The following ANK2 variants were observed in gnomAD, a reference collection of about 807,000 sequenced individuals.
ANK2 encodes ankyrin 2.
In ANK2, 83 loss-of-function variants were observed where a neutral mutation model predicts 360.5. The observed-to-expected ratio is 0.23, with a 90% CI of 0.19 to 0.28. The LOEUF is 0.28. ANK2 is among the 10% of genes least tolerant of loss of function. The pLI, the probability that ANK2 is intolerant of heterozygous loss-of-function variation, is 1.00. For synonymous variants in ANK2, 1,740 were observed against 1,759.5 expected (o/e 0.99, Z 0.28); for missense variants, 4,201 against 4,795.7 (o/e 0.88, Z 3.66).
At chr4:112,711,048 C>T in the ANK2 span, among the ~76,000 whole-genome samples, 1 of 151,112 alleles carries the variant, frequency 6.6e-6, no homozygotes, top group African/African-American at 2.4e-5. Flanking sequence ...CCTCAGCCTC[C>T]CAAAGTGCTA....
At chr4:112,978,195 G>A (rs1036265759) in intron 2 of ANK2, among the ~76,000 whole-genome samples, 2 of 151,914 alleles carry the variant, frequency 1.3e-5, no homozygotes, top group Non-Finnish European at 2.9e-5. Flanking sequence ...AGTGAGTCGA[G>A]ATTGCGCCAT....
At chr4:113,258,476 G>A (rs1286008080) in intron 13 of ANK2, 65 bp downstream of exon 13, 7 of 1,460,640 alleles carry the variant, frequency 4.8e-6, no homozygotes, top group Non-Finnish European at 6.7e-6. Context: ...GATTGTGGGT[G>A]TGTGTATGTG....
At chr4:112,828,800 C>T (rs1487954115) in intron 1 of ANK2, among the ~76,000 whole-genome samples, 1 of 152,154 alleles carries the variant, frequency 6.6e-6, no homozygotes, top group African/African-American at 2.4e-5. Flanking sequence ...ATCCAGCAAA[C>T]GTCTAATATC....
At chr4:113,183,868 A>T (rs1314529893) in intron 2 of ANK2, among the ~76,000 whole-genome samples, 3 of 151,826 alleles carry the variant, frequency 2.0e-5, no homozygotes, top group Admixed American at 2.0e-4. Flanking sequence ...AGAAGCTAAA[A>T]TCTTCAAGGG....
At chr4:113,061,764 G>T (rs1159327885) in intron 1 of ANK2, among the ~76,000 whole-genome samples, 1 of 152,032 alleles carries the variant, frequency 6.6e-6, no homozygotes, top group Admixed American at 6.6e-5. Flanking sequence ...TAATTAAAAA[G>T]AATGAATAGG....
intron 1 of ANK2, among the ~76,000 whole-genome samples, chr4:113,148,508 C>A (rs13125789): frequency 0.12 from 18,608 of 152,072 alleles, 1,454 homozygotes; most frequent in Middle Eastern, 0.21. Flanking sequence ...TAGAGATTTT[C>A]AGGTTTTTCG....
At chr4:113,158,850 A>T (rs1334285031) in intron 1 of ANK2, among the ~76,000 whole-genome samples, 1 of 152,148 alleles carries the variant, frequency 6.6e-6, no homozygotes, top group East Asian at 1.9e-4. Flanking sequence ...GGTACAGTTT[A>T]CTGCTTTGCC....
intron 2 of ANK2, among the ~76,000 whole-genome samples, chr4:112,968,290 T>A (rs1181707455): frequency 6.6e-6 from 1 of 152,214 alleles, no homozygotes. Context: ...CTTTCAGATG[T>A]TGGGTCTCTG....
rs531276886 is a variant in ANK2, at chr4:113,255,906, A to C, written c.1162A>C (p.Arg388=). ...YRVTKLLLDK[R]ANPNARALNG... Reference sequence around the variant, plus strand: ...TGTAACCAAACTCCTTTTAGACAAGAGAGCCAATCCGAACGCCAGAGCCCT... The same window carrying C: ...TGTAACCAAACTCCTTTTAGACAAGCGAGCCAATCCGAACGCCAGAGCCCT... The change falls in exon 11 of 46, where the codon AGA becomes CGA. Residue 388 remains arginine (R), a synonymous_variant. Coordinates refer to ENST00000357077, the MANE Select transcript of ANK2 (RefSeq NM_001148.6). 6 of 1,614,236 alleles carry C rather than the reference A, an allele frequency of 3.7e-6. No homozygotes were observed. In the South Asian group the frequency reaches 6.6e-5, roughly 18 times the overall value.
Position 112,833,225 on chromosome 4 carries a change from G to A in ANK2, c.-40+14961G>A, listed in dbSNP as rs2060191207. On this transcript the variant is annotated intron_variant, in intron 1 of 30. Coordinates refer to the ANK2 transcript ENST00000503271. ...TTTAAACAGAATAAGCCAAACATGAGGTAGTGGGTAAGGGGAGGAAATAAT... is the reference window on the plus strand; with the variant it reads ...TTTAAACAGAATAAGCCAAACATGAAGTAGTGGGTAAGGGGAGGAAATAAT... Among the ~76,000 whole-genome samples, 3 of 152,216 alleles carry A rather than the reference G, an allele frequency of 2.0e-5. No individual in the cohort carries two copies. The South Asian group carries it at 6.2e-4, about 32-fold the overall frequency.
chr4:113,047,865 G>A (rs2065073085), upstream of ANK2, among the ~76,000 whole-genome samples: 1 of 152,004 alleles, frequency 6.6e-6, no homozygotes, highest in South Asian at 2.1e-4. Context: ...AGGGTGGTAA[G>A]GCAGAGAGAA....
chr4:113,039,898 C>T (rs1350811908), intron 2 of ANK2, among the ~76,000 whole-genome samples: 1 of 151,760 alleles, frequency 6.6e-6, no homozygotes, highest in Non-Finnish European at 1.5e-5. Context: ...TATGGAGGCC[C>T]TAGGTTATTT....
intron 1 of ANK2, among the ~76,000 whole-genome samples, chr4:113,075,760 T>C (rs1025940449): frequency 1.3e-5 from 2 of 152,226 alleles, no homozygotes; most frequent in Non-Finnish European, 2.9e-5. Flanking sequence ...GCTTCTGACC[T>C]AAGAAACGGC....
intron 1 of ANK2, among the ~76,000 whole-genome samples, chr4:113,074,232 T>A (rs1277883568): frequency 6.6e-6 from 1 of 152,228 alleles, no homozygotes; most frequent in Non-Finnish European, 1.5e-5. Context: ...TATTTATTAA[T>A]TGCTTACTGT....
chr4:113,192,938 A>G (rs1027711822), intron 2 of ANK2, among the ~76,000 whole-genome samples: 1 of 151,370 alleles, frequency 6.6e-6, no homozygotes, highest in Non-Finnish European at 1.5e-5. Context: ...AAAAAAAAAA[A>G]AAACAACCCT....
At chr4:113,235,603 T>C (rs971565814) in intron 5 of ANK2, among the ~76,000 whole-genome samples, 10 of 151,500 alleles carry the variant, frequency 6.6e-5, no homozygotes, top group Admixed American at 5.3e-4. Context: ...TAATTTTTTC[T>C]TTGTTATTTT....
chr4:112,899,136 A>G lies in ANK2; in HGVS notation c.-39-5319A>G, dbSNP rs79835972. 1.3e-4 allele frequency among the ~76,000 whole-genome samples: 20 copies of G among 152,264 alleles called. No individual in the cohort carries two copies. In the East Asian group the frequency reaches 3.5e-3, roughly 26 times the overall value. ...GTAGTCTCATTGTTTTTATTTAACA[A>G]TGAGTGAAAGCAATAGTACAAAGAC... is the stretch of plus-strand genomic sequence containing the variant. On this transcript the variant is annotated intron_variant, in intron 1 of 30. Transcript: ENST00000503271.
At chr4:112,799,547 C>T in the ANK2 span, among the ~76,000 whole-genome samples, 3 of 151,448 alleles carry the variant, frequency 2.0e-5, no homozygotes, top group Non-Finnish European at 2.9e-5. Flanking sequence ...GATGAAGTCT[C>T]GCTGTGTCAC....
intron 1 of ANK2, among the ~76,000 whole-genome samples, chr4:113,163,764 CAAAAAAAA>C (rs1158530849): frequency 2.5e-4 from 14 of 55,048 alleles, no homozygotes; most frequent in Non-Finnish European, 3.4e-4. Context: ...AACTTCGTCT[CAAAAAAAA>C]AAAAAAAAAA....
Sources: gnomAD v4.1 joint callset for allele counts (sites outside exome capture counted in the v4.1 genomes callset) on GRCh38, gnomAD v4.1.1 for gene constraint, MANE v1.5 for transcripts, NCBI Gene and HGNC (gene_info 2026-07-23, HGNC 2026-07-21) for gene names.